TGFBRAP1: variants seen among roughly 807,000 people sequenced by gnomAD.
TGFBRAP1 encodes the protein transforming growth factor beta receptor associated protein 1.
In TGFBRAP1, 20 loss-of-function variants were observed where a neutral mutation model predicts 83.2. The ratio of observed to expected loss-of-function variants is 0.24; its 90% CI spans 0.17 to 0.35. The LOEUF is 0.35. Ranked by LOEUF, TGFBRAP1 falls within the 10% of genes least tolerant of loss-of-function variation. The pLI is 1.00. For synonymous variants in TGFBRAP1, 415 were observed against 459.8 expected (o/e 0.90, Z 1.25); for missense variants, 950 against 1,099.4 (o/e 0.86, Z 1.92).
Position 105,308,900 on chromosome 2 carries a change from G to A in TGFBRAP1, c.-17-582C>T, listed in dbSNP as rs988029693. Reference sequence around the variant, plus strand: ...GTCACAGGATCCTGCCAGGAACACCGAGGCAGACGCCAGGCCTTGGATTCC... The same window carrying A: ...GTCACAGGATCCTGCCAGGAACACCAAGGCAGACGCCAGGCCTTGGATTCC... On this transcript the variant is annotated intron_variant, in intron 1 of 11. Coordinates refer to ENST00000393359, the MANE Select transcript of TGFBRAP1 (RefSeq NM_004257.6). Among the ~76,000 whole-genome samples the A allele has an allele frequency of 6.6e-5, 10 of 152,206 alleles. No individual in the cohort carries two copies. In the South Asian group the frequency reaches 1.0e-3, roughly 16 times the overall value.
At chr2:105,277,362 ATT>A (rs1677384788) in intron 7 of TGFBRAP1, among the ~76,000 whole-genome samples, 1 of 152,148 alleles carries the variant, frequency 6.6e-6, no homozygotes, top group Non-Finnish European at 1.5e-5. Flanking sequence ...TCATATTTTC[ATT>A]TCTTAAGTTT....
In TGFBRAP1 at chr2:105,269,279, T is replaced by C; in HGVS notation, c.2399A>G (p.Tyr800Cys). 1 of 1,600,534 alleles carries C rather than the reference T, an allele frequency of 6.2e-7. No individual in the cohort carries two copies. The highest frequency in any genetic ancestry group is 8.6e-7 in the Non-Finnish European group (1 of 1,169,380). Residue 800 changes from tyrosine to cysteine, a missense_variant, in exon 11 of 12, where the codon TAC becomes TGC. Tyr to Cys is a radical substitution (Grantham distance 194, BLOSUM62 -2). Transcript: ENST00000393359. The surrounding 1 kb of genome is among the most constrained non-coding windows in gnomAD (Gnocchi z 4.1). ...LARSENLIYT[Y>C]DKMKLKGSSI... ...GTGGGGGCCAGCACTTACCTTATCG[T>C]AGGTGTAGATTAAGTTTTCGGACCT...
At chr2:105,262,925 T>C (rs946563452), downstream of TGFBRAP1, among the ~76,000 whole-genome samples, 1 of 152,232 alleles carries the variant, frequency 6.6e-6, no homozygotes, top group Admixed American at 6.5e-5. Flanking sequence ...CTCTAGTCCA[T>C]ATGGTCTAGA....
At chr2:105,256,585 A>G in the TGFBRAP1 span, among the ~76,000 whole-genome samples, 1 of 152,192 alleles carries the variant, frequency 6.6e-6, no homozygotes, top group African/African-American at 2.4e-5. Flanking sequence ...TTCCCTTTAT[A>G]TGAGTACACA....
chr2:105,269,525 G>A lies in TGFBRAP1; in HGVS notation c.2153C>T (p.Thr718Met), dbSNP rs758919376. 62 of 1,612,352 alleles carry A rather than the reference G, an allele frequency of 3.8e-5. No homozygotes were observed. The highest frequency in any genetic ancestry group is 4.1e-5 in the Non-Finnish European group (48 of 1,178,988). Reference sequence around the variant, plus strand: ...AGCATGCAGGTAGATGGCCAGCAGCGTGTGAAAGAGTTGCTGGCGGTGGGG... The same window carrying A: ...AGCATGCAGGTAGATGGCCAGCAGCATGTGAAAGAGTTGCTGGCGGTGGGG... ...DPPHRQQLFH[T>M]LLAIYLHAGP... Residue 718 changes from threonine to methionine, a missense_variant, in exon 11 of 12, where the codon ACG becomes ATG. Coordinates refer to ENST00000393359, the MANE Select transcript of TGFBRAP1 (RefSeq NM_004257.6). The surrounding 1 kb of genome is among the most constrained non-coding windows in gnomAD (Gnocchi z 4.1).
chr2:105,316,462 T>TGG (rs1177329674), intron 1 of TGFBRAP1, among the ~76,000 whole-genome samples: 1 of 84,816 alleles, frequency 1.2e-5, no homozygotes, highest in Non-Finnish European at 2.3e-5. Context: ...TGTGTGTGTG[T>TGG]GCGCGCGCGC....
At position 105,265,460 on chromosome 2, in the gene TGFBRAP1, C is replaced by T. The variant is rs1220779024; in HGVS notation, c.*1923G>A. On this transcript the variant is annotated 3_prime_UTR_variant, in exon 12 of 12. Coordinates refer to ENST00000393359, the MANE Select transcript of TGFBRAP1 (RefSeq NM_004257.6). ...CTCCAGCCTGGGTGACAGAGTGAGA[C>T]TCTGTCTGTGTGTTAGGAATGAGAA... The T allele has an allele frequency of 1.3e-5, 2 of 152,668 alleles. No homozygotes were observed. The highest frequency in any genetic ancestry group is 2.9e-5 in the Non-Finnish European group (2 of 68,040). The allele number at this position is 152,668 out of a possible 1,614,324, so 9.5% of individuals were successfully genotyped here. A position where few individuals can be genotyped will look rare whatever the true frequency, so the allele number is the denominator to read the frequency against.
intron 7 of TGFBRAP1, among the ~76,000 whole-genome samples, chr2:105,277,030 T>C (rs949245339): frequency 1.3e-5 from 2 of 152,160 alleles, no homozygotes; most frequent in African/African-American, 4.8e-5. Context: ...ATGAGGCTTT[T>C]CTCAAGATCA....
chr2:105,291,966 A>G (rs992700108), intron 4 of TGFBRAP1, among the ~76,000 whole-genome samples: 1 of 152,318 alleles, frequency 6.6e-6, no homozygotes, highest in African/African-American at 2.4e-5. Context: ...ATCATGGTAG[A>G]ACATATTTAA....
downstream of TGFBRAP1, among the ~76,000 whole-genome samples, chr2:105,259,915 C>T (rs1676749769): frequency 6.6e-6 from 1 of 151,860 alleles, no homozygotes; most frequent in Non-Finnish European, 1.5e-5. Flanking sequence ...TGTTTGGACC[C>T]AATAGAAGGG....
chr2:105,272,919 C>T lies in TGFBRAP1; in HGVS notation c.1908G>A (p.Glu636=). ...GCAGCCGCCGCAGCTTGGCCTGCGTCTCGGTGGCCTCTGCACCCTTGCCAC... is the reference window on the plus strand; with the variant it reads ...GCAGCCGCCGCAGCTTGGCCTGCGTTTCGGTGGCCTCTGCACCCTTGCCAC... ...SASGKGAEAT[E]TQAKLRRLLQ... is the part of the protein sequence containing the mutation. The change falls in exon 10 of 12, where the codon GAG becomes GAA. Residue 636 remains glutamate, a synonymous_variant. Coordinates refer to ENST00000393359, the MANE Select transcript of TGFBRAP1 (RefSeq NM_004257.6). 1 of 1,610,842 alleles carries T rather than the reference C, an allele frequency of 6.2e-7. No individual in the cohort carries two copies. The highest frequency in any genetic ancestry group is 8.5e-7 in the Non-Finnish European group (1 of 1,179,980).
chr2:105,306,203 C>A (rs948562237), intron 2 of TGFBRAP1, among the ~76,000 whole-genome samples: 10 of 151,794 alleles, frequency 6.6e-5, no homozygotes, highest in Non-Finnish European at 1.3e-4. Flanking sequence ...GCTGGGATTA[C>A]AGGCATGCAC....
At chr2:105,252,748 C>G in the TGFBRAP1 span, among the ~76,000 whole-genome samples, 3 of 105,576 alleles carry the variant, frequency 2.8e-5, no homozygotes, top group African/African-American at 1.1e-4. Context: ...ATGATATTAA[C>G]ATCTTTTTTT....
rs1341127302 is a variant in TGFBRAP1, at chr2:105,298,575, C to T, written c.819G>A (p.Met273Ile). ...GCGTCTGCTTCTGTTGCTGATCCAACATGCTGTGGACTGTGATGAATTCGT... is the reference window on the plus strand; with the variant it reads ...GCGTCTGCTTCTGTTGCTGATCCAATATGCTGTGGACTGTGATGAATTCGT... ...LDDEFITVHSMLDQQQKQTLP... is the reference protein window; with the variant it reads ...LDDEFITVHSILDQQQKQTLP... Residue 273 changes from methionine to isoleucine, a missense_variant, in exon 3 of 12, where the codon ATG becomes ATA. By Grantham distance (10) the Met-to-Ile change is conservative. Coordinates refer to ENST00000393359, the MANE Select transcript of TGFBRAP1 (RefSeq NM_004257.6). 1.9e-6 allele frequency: 3 copies of T among 1,613,862 alleles called. No homozygotes were observed. Among genetic ancestry groups the T allele is most frequent in the South Asian group, 2.2e-5 (2 of 91,036 alleles).
rs1476614926 is a variant in TGFBRAP1 at position 105,272,874 on chromosome 2, G to A, written c.1953C>T (p.Tyr651=). The A allele has an allele frequency of 6.2e-7, 1 of 1,608,460 alleles. No homozygotes were observed. Among genetic ancestry groups the A allele is most frequent in the Non-Finnish European group, 8.5e-7 (1 of 1,179,872 alleles). ...LRRLLQKSDL[Y]RVHFLLERLQ... is the part of the protein sequence containing the mutation. The stretch of plus-strand genomic sequence containing the variant: ...CCTCACCGAGAAGAAAGTGGACTCG[G>A]TATAAATCAGATTTCTGGAGCAGCC... The change falls in exon 10 of 12, where the codon TAC becomes TAT. Residue 651 remains tyrosine (Y), a synonymous_variant. Transcript: ENST00000393359.
At chr2:105,252,178 G>T in the TGFBRAP1 span, among the ~76,000 whole-genome samples, 3 of 152,110 alleles carry the variant, frequency 2.0e-5, no homozygotes, top group Admixed American at 1.3e-4. Flanking sequence ...TACTGCTGCC[G>T]TATTTCCTCC....
rs745408220 is a variant in TGFBRAP1, at chr2:105,280,537, G to T, written c.1308C>A (p.Arg436=). ...TGTAGCCATTTGCTACCTCTGTGCT[G>T]CGGACCTCGTTCAGGTAGCTCATGA... ...RFLMSYLNEV[R]STEVANGYKE... Residue 436 remains arginine, a synonymous_variant, in exon 6 of 12, where the codon CGC becomes CGA. Coordinates refer to ENST00000393359, the MANE Select transcript of TGFBRAP1 (RefSeq NM_004257.6). 14 of 1,614,060 alleles carry T rather than the reference G, an allele frequency of 8.7e-6. No homozygotes were observed. The South Asian group carries it at 1.4e-4, about 16-fold the overall frequency.
At chr2:105,316,460 TGTGCGCGCGCGC>T (rs1385021968) in intron 1 of TGFBRAP1, among the ~76,000 whole-genome samples, 78 of 66,928 alleles carry the variant, frequency 1.2e-3, no homozygotes, top group Middle Eastern at 6.3e-3. Flanking sequence ...TGTGTGTGTG[TGTGCGCGCGCGC>T]GCGCGCGCAC....
chr2:105,308,403 A>C, intron 1 of TGFBRAP1, 85 bp from the exon 2 acceptor site: 1 of 1,297,420 alleles, frequency 7.7e-7, no homozygotes, highest in Non-Finnish European at 1.0e-6. Context: ...TGGATTCCCT[A>C]GTTGTCATTT....
Sources: allele counts gnomAD v4.1 joint callset (sites outside exome capture counted in the v4.1 genomes callset), GRCh38; gene constraint gnomAD v4.1.1; non-coding constraint Gnocchi (gnomAD v3.1); transcripts MANE v1.5; gene names NCBI Gene and HGNC (gene_info 2026-07-23, HGNC 2026-07-21).